The following PEAK1 variants were observed in gnomAD, a reference collection of about 807,000 sequenced individuals.
PEAK1 encodes the protein inactive tyrosine-protein kinase PEAK1.
A neutral mutation model predicts 124.7 loss-of-function variants in PEAK1; 54 were observed. The observed-to-expected ratio is 0.43, with a 90% CI of 0.35 to 0.54. PEAK1 has a LOEUF of 0.54. Ranked by LOEUF, PEAK1 falls within the 20% of genes least tolerant of loss-of-function variation. The pLI, the probability that PEAK1 is intolerant of heterozygous loss-of-function variation, is 0.01. For missense variants in PEAK1, 2,046 were observed against 2,134.5 expected (o/e 0.96, Z 0.82); for synonymous variants, 719 against 760.0 (o/e 0.95, Z 0.89).
intron 6 of PEAK1, among the ~76,000 whole-genome samples, chr15:77,249,930 A>G (rs2060764591): frequency 6.6e-6 from 1 of 151,956 alleles, no homozygotes; most frequent in Non-Finnish European, 1.5e-5. Context: ...AACACTTAAC[A>G]CTTTAATTTC....
chr15:77,248,513 G>A (rs2060696921), intron 6 of PEAK1, among the ~76,000 whole-genome samples: 1 of 152,154 alleles, frequency 6.6e-6, no homozygotes, highest in African/African-American at 2.4e-5. Flanking sequence ...GAGACCTCAT[G>A]CATGGGACTA....
chr15:77,222,813 T>C (rs973818123), intron 6 of PEAK1, among the ~76,000 whole-genome samples: 2 of 152,018 alleles, frequency 1.3e-5, no homozygotes, highest in East Asian at 1.9e-4. Context: ...AGCATAGCAT[T>C]ATGAAATAGT....
chr15:77,225,666 T>TTTTATATATATA (rs1555448932), intron 6 of PEAK1, among the ~76,000 whole-genome samples: 5 of 87,986 alleles, frequency 5.7e-5, no homozygotes, highest in East Asian at 3.1e-4. Context: ...TGTGTATAAT[T>TTTTATATATATA]TATATATATA....
At chr15:77,218,240 T>C (rs1303395792) in intron 6 of PEAK1, among the ~76,000 whole-genome samples, 2 of 152,200 alleles carry the variant, frequency 1.3e-5, no homozygotes, top group Non-Finnish European at 2.9e-5. Flanking sequence ...ATGCTATCTG[T>C]AGATTTTTTT....
chr15:77,345,849 ATCC>A, intron 2 of PEAK1: 4 of 917,208 alleles, frequency 4.4e-6, no homozygotes, highest in Non-Finnish European at 5.2e-6. Context: ...TATTACATGT[ATCC>A]CCAAAATATG....
chr15:77,226,473 T>C (rs1596720752), intron 6 of PEAK1, among the ~76,000 whole-genome samples: 1 of 152,142 alleles, frequency 6.6e-6, no homozygotes, highest in East Asian at 1.9e-4. Context: ...CATAAGACAA[T>C]GAATAACTTT....
rs1443254035 is a variant in PEAK1 at position 77,419,744 on chromosome 15, G to C, written c.-666+262C>G. The stretch of plus-strand genomic sequence containing the variant: ...CGCTCCCGGGGCCGCCGCCGAGGGA[G>C]GGGGCAGGGGCGGCAGGGGGCGCGC... On this transcript the variant is annotated intron_variant, in intron 1 of 9. Coordinates refer to ENST00000682557, the MANE Select transcript of PEAK1 (RefSeq NM_001385026.1). Among the ~76,000 whole-genome samples, 5 of 149,634 alleles carry C rather than the reference G, an allele frequency of 3.3e-5. No homozygotes were observed. The South Asian group carries it at 1.0e-3, about 31-fold the overall frequency.
At chr15:77,289,480 G>T (rs1188283591) in intron 2 of PEAK1, among the ~76,000 whole-genome samples, 1 of 152,076 alleles carries the variant, frequency 6.6e-6, no homozygotes, top group Non-Finnish European at 1.5e-5. Flanking sequence ...ATTCACAGAG[G>T]ATTTCAACTG....
In PEAK1 at chr15:77,108,301, T is replaced by C. The variant is rs2050793573; in HGVS notation, c.*5855A>G. On this transcript the variant is annotated 3_prime_UTR_variant, in exon 10 of 10. Coordinates refer to ENST00000682557, the MANE Select transcript of PEAK1 (RefSeq NM_001385026.1). ...ATGATAGATTTATACAACTTTACAA[T>C]ATGTAAGTAGAGGGGTGAAGCTCCG... 6.6e-6 allele frequency: 1 copy of C among 152,092 alleles called. No homozygotes were observed. Among genetic ancestry groups the C allele is most frequent in the Non-Finnish European group, 1.5e-5 (1 of 68,002 alleles). 9.4% of individuals were successfully genotyped at this position (152,092 alleles called of 1,614,324 possible). A position where few individuals can be genotyped will look rare whatever the true frequency, so the allele number is the denominator to read the frequency against.
At chr15:77,204,660 T>G (rs550332180) in intron 6 of PEAK1, 1 of 152,662 alleles carries the variant, frequency 6.6e-6, no homozygotes, top group South Asian at 2.1e-4. Flanking sequence ...ATCCCAGCAC[T>G]TTGGGAGGCC....
At chr15:77,244,443 T>G (rs1212736144) in intron 6 of PEAK1, among the ~76,000 whole-genome samples, 1 of 152,210 alleles carries the variant, frequency 6.6e-6, no homozygotes. Flanking sequence ...CCTTCTGCAC[T>G]TGGAGCTCAT....
chr15:77,120,271 G>A (rs1303467304), intron 9 of PEAK1, among the ~76,000 whole-genome samples: 1 of 152,074 alleles, frequency 6.6e-6, no homozygotes, highest in African/African-American at 2.4e-5. Context: ...ACTGACTTCC[G>A]TGTCTACATT....
intron 6 of PEAK1, among the ~76,000 whole-genome samples, chr15:77,234,237 A>C (rs1441563832): frequency 6.6e-6 from 1 of 152,184 alleles, no homozygotes; most frequent in African/African-American, 2.4e-5. Flanking sequence ...CTGTAGTTTT[A>C]GTTATGCTTC....
intron 6 of PEAK1, among the ~76,000 whole-genome samples, chr15:77,248,090 C>CCTTG (rs2060678725): frequency 6.6e-6 from 1 of 151,314 alleles, no homozygotes; most frequent in Non-Finnish European, 1.5e-5. Context: ...GAGATGGGGT[C>CCTTG]CTTGCTATGC....
intron 2 of PEAK1, chr15:77,346,194 T>C: frequency 1.0e-6 from 1 of 962,978 alleles, no homozygotes. Flanking sequence ...CCTTTTGGCA[T>C]AATAAAGTCA....
intron 1 of PEAK1, among the ~76,000 whole-genome samples, chr15:77,374,921 G>A (rs1403664985): frequency 6.6e-6 from 1 of 151,920 alleles, no homozygotes; most frequent in Non-Finnish European, 1.5e-5. Context: ...TGTTTACTAA[G>A]GACAAATTAA....
chr15:77,323,785 T>C lies in PEAK1; in HGVS notation c.-602-37281A>G, dbSNP rs1001496034. On this transcript the variant is annotated intron_variant, in intron 2 of 9. Transcript: ENST00000682557. ...CTTCACAGAATTGGAAAAAACTACT[T>C]TAAAGTTCATATGGAACCAAAAAAG... Among the ~76,000 whole-genome samples, 3 of 152,212 alleles carry C rather than the reference T, an allele frequency of 2.0e-5. No homozygotes were observed. The East Asian group carries it at 5.8e-4, about 29-fold the overall frequency.
rs143021729 is a variant in PEAK1, at chr15:77,264,528, C to T, written c.-274-12002G>A. On this transcript the variant is annotated intron_variant, in intron 5 of 9. Transcript: ENST00000682557. ...AATTGCTTCAAAGAGAATACAATAC[C>T]TAGGAATCCAATTTACAAGGGACGT... Among the ~76,000 whole-genome samples, 816 of 152,200 alleles carry T rather than the reference C, an allele frequency of 5.4e-3. 11 individuals carry two copies. The highest frequency in any genetic ancestry group is 0.017 in the African/African-American group (695 of 41,520).
chr15:77,411,715 C>T (rs2072430687), intron 1 of PEAK1, among the ~76,000 whole-genome samples: 1 of 152,186 alleles, frequency 6.6e-6, no homozygotes, highest in Non-Finnish European at 1.5e-5. Flanking sequence ...AAGTAATCCT[C>T]CTGCCTCAGC....
Sources: gnomAD v4.1 joint callset for allele counts (sites outside exome capture counted in the v4.1 genomes callset) on GRCh38, gnomAD v4.1.1 for gene constraint, MANE v1.5 for transcripts, NCBI Gene and HGNC (gene_info 2026-07-23, HGNC 2026-07-21) for gene names.